The following PPM1L variants were observed in gnomAD, a reference collection of about 807,000 sequenced individuals.
The protein encoded by PPM1L is protein phosphatase 1L.
A neutral mutation model predicts 31.4 loss-of-function variants in PPM1L; 13 were observed. The ratio of observed to expected loss-of-function variants is 0.41; its 90% CI spans 0.27 to 0.66. The LOEUF (loss-of-function observed/expected upper bound fraction) is 0.66. PPM1L is among the 30% of genes least tolerant of loss of function. The pLI is 0.29. For synonymous variants in PPM1L, 184 were observed against 175.4 expected (o/e 1.05, Z -0.39); for missense variants, 326 against 453.7 (o/e 0.72, Z 2.56).
At position 160,944,746 on chromosome 3, in the gene PPM1L, TAA is replaced by T. The variant is rs1359715350; in HGVS notation, c.400-16989_400-16988del. Among the ~76,000 whole-genome samples the T allele has an allele frequency of 3.8e-4, 37 of 96,854 alleles. 2 individuals are homozygous for T. Among genetic ancestry groups the T allele is most frequent in the East Asian group, 2.1e-3 (10 of 4,738 alleles). 63.5% of individuals were successfully genotyped at this position (96,854 alleles called of 152,430 possible). ...TATATATAACATGTTATATATTATA[TAA>T]TATATATGTTATATATAACATGTTA... On this transcript the variant is annotated intron_variant, in intron 1 of 3. Coordinates refer to ENST00000498165, the MANE Select transcript of PPM1L (RefSeq NM_139245.4).
intron 1 of PPM1L, among the ~76,000 whole-genome samples, chr3:160,784,491 A>G (rs764350760): frequency 1.3e-5 from 2 of 152,184 alleles, no homozygotes; most frequent in Non-Finnish European, 2.9e-5. Flanking sequence ...TGAAAGAGAA[A>G]ATGGAAAGAA....
chr3:160,814,273 G>C (rs1712897469), intron 1 of PPM1L, among the ~76,000 whole-genome samples: 1 of 152,096 alleles, frequency 6.6e-6, no homozygotes, highest in Non-Finnish European at 1.5e-5. Context: ...CCCCGGATCA[G>C]GTTAAATCTG....
At chr3:160,975,481 G>A (rs1361716084) in intron 2 of PPM1L, among the ~76,000 whole-genome samples, 2 of 152,166 alleles carry the variant, frequency 1.3e-5, no homozygotes, top group Non-Finnish European at 2.9e-5. Context: ...CCATTTTCAC[G>A]ATATTGAGTC....
At chr3:160,842,782 G>A (rs1713925401) in intron 1 of PPM1L, among the ~76,000 whole-genome samples, 1 of 152,122 alleles carries the variant, frequency 6.6e-6, no homozygotes, top group Non-Finnish European at 1.5e-5. Context: ...AGATTTTGAT[G>A]TCTAGGTGCC....
chr3:161,018,995 A>G (rs1044930232), intron 2 of PPM1L, among the ~76,000 whole-genome samples: 1 of 152,218 alleles, frequency 6.6e-6, no homozygotes, highest in Non-Finnish European at 1.5e-5. Context: ...TTATTGAGGC[A>G]TGAACCCTTT....
chr3:160,912,189 C>T (rs933848186), intron 1 of PPM1L, among the ~76,000 whole-genome samples: 21 of 152,116 alleles, frequency 1.4e-4, no homozygotes, highest in Admixed American at 1.4e-3. Flanking sequence ...CTGCAAGCTC[C>T]GTCCTGGGCC....
chr3:160,764,126 T>G (rs558037083), intron 1 of PPM1L, among the ~76,000 whole-genome samples: 19 of 152,226 alleles, frequency 1.2e-4, no homozygotes, highest in African/African-American at 4.6e-4. Context: ...GTTTGTTTGT[T>G]TGTTTCTTTT....
chr3:160,860,780 C>T (rs1241353678), intron 1 of PPM1L, among the ~76,000 whole-genome samples: 1 of 152,150 alleles, frequency 6.6e-6, no homozygotes, highest in African/African-American at 2.4e-5. Flanking sequence ...TGATGAGGTT[C>T]CTCTTCCTAC....
At chr3:160,763,709 G>C (rs1168368179) in intron 1 of PPM1L, among the ~76,000 whole-genome samples, 1 of 152,182 alleles carries the variant, frequency 6.6e-6, no homozygotes, top group Non-Finnish European at 1.5e-5. Context: ...TAGTAATCCT[G>C]TTCCTCCAAA....
At position 161,069,439 on chromosome 3, in the gene PPM1L, A is replaced by G; in HGVS notation, c.*282A>G. On this transcript the variant is annotated 3_prime_UTR_variant, in exon 4 of 4. Coordinates refer to ENST00000498165, the MANE Select transcript of PPM1L (RefSeq NM_139245.4). ...CTGTAGAGTCACATATATGAAGTGA[A>G]TAGCATATGTGTCATTTAGTCTCCC... 2.4e-6 allele frequency: 1 copy of G among 420,046 alleles called. No homozygotes were observed. Among genetic ancestry groups the G allele is most frequent in the South Asian group, 2.9e-5 (1 of 34,124 alleles). The allele number at this position is 420,046 out of a possible 1,614,324, so 26.0% of individuals were successfully genotyped here.
intron 1 of PPM1L, among the ~76,000 whole-genome samples, chr3:160,866,117 G>C (rs1013871101): frequency 6.6e-6 from 1 of 152,124 alleles, no homozygotes; most frequent in African/African-American, 2.4e-5. Flanking sequence ...TTCTCCCCCT[G>C]TTAGACATAG....
chr3:160,920,908 G>T (rs912217900), intron 1 of PPM1L, among the ~76,000 whole-genome samples: 13 of 152,012 alleles, frequency 8.6e-5, no homozygotes, highest in Non-Finnish European at 1.5e-4. Flanking sequence ...TTATAAGATG[G>T]CCACAATGTG....
At chr3:160,852,083 G>A (rs991801036) in intron 1 of PPM1L, among the ~76,000 whole-genome samples, 1 of 152,180 alleles carries the variant, frequency 6.6e-6, no homozygotes, top group Non-Finnish European at 1.5e-5. Flanking sequence ...TACTTAGGAT[G>A]TATTAAACTG....
At chr3:160,953,509 T>G (rs1715639535) in intron 1 of PPM1L, among the ~76,000 whole-genome samples, 1 of 152,170 alleles carries the variant, frequency 6.6e-6, no homozygotes, top group Non-Finnish European at 1.5e-5. Flanking sequence ...ACAAAATGAG[T>G]AAAGGAAATT....
chr3:160,935,776 G>A (rs143712493), intron 1 of PPM1L, among the ~76,000 whole-genome samples: 7 of 152,294 alleles, frequency 4.6e-5, no homozygotes, highest in Non-Finnish European at 7.4e-5. Flanking sequence ...TCATTAAGCC[G>A]TTGTACTAAA....
At chr3:160,862,131 G>T (rs908749622) in intron 1 of PPM1L, among the ~76,000 whole-genome samples, 3 of 152,156 alleles carry the variant, frequency 2.0e-5, no homozygotes, top group African/African-American at 7.2e-5. Context: ...CACTGATGAT[G>T]ATGATGCTAA....
chr3:160,961,473 A>T (rs1715961731), intron 1 of PPM1L, among the ~76,000 whole-genome samples: 1 of 152,196 alleles, frequency 6.6e-6, no homozygotes, highest in African/African-American at 2.4e-5. Context: ...AACTCTGAGC[A>T]CTAAATCTGC....
At chr3:160,941,683 C>T (rs957563969) in intron 1 of PPM1L, among the ~76,000 whole-genome samples, 14 of 152,108 alleles carry the variant, frequency 9.2e-5, no homozygotes, top group South Asian at 6.2e-4. Context: ...TTCCCAGTCT[C>T]GGGTATGTTT....
intron 1 of PPM1L, among the ~76,000 whole-genome samples, chr3:160,869,059 C>T (rs760633990): frequency 2.0e-5 from 3 of 152,182 alleles, no homozygotes; most frequent in Non-Finnish European, 2.9e-5. Flanking sequence ...GCGGGCTTTA[C>T]TATACCTGCT....
Sources: allele counts gnomAD v4.1 joint callset (sites outside exome capture counted in the v4.1 genomes callset), GRCh38; gene constraint gnomAD v4.1.1; transcripts MANE v1.5; gene names NCBI Gene and HGNC (gene_info 2026-07-23, HGNC 2026-07-21).